The following LONP1 variants were observed in gnomAD, a reference collection of about 807,000 sequenced individuals.
LONP1 encodes the protein lon peptidase 1, mitochondrial.
A neutral mutation model predicts 98.5 loss-of-function variants in LONP1; 31 were observed. The ratio of observed to expected loss-of-function variants is 0.31; its 90% CI spans 0.24 to 0.42. LONP1 has a LOEUF of 0.42. LONP1 is among the 20% of genes least tolerant of loss of function. The pLI, the probability that LONP1 is intolerant of heterozygous loss-of-function variation, is 1.00. For missense variants in LONP1, 1,336 were observed against 1,350.6 expected, an observed-to-expected ratio of 0.99 and a Z score of 0.17; for synonymous variants, 781 against 594.7, an observed-to-expected ratio of 1.31 and a Z score of -4.56.
intron 3 of LONP1, 21 bp downstream of exon 3, chr19:5,713,113 T>C: frequency 6.5e-7 from 1 of 1,536,066 alleles, no homozygotes; most frequent in Non-Finnish European, 8.9e-7. Context: ...CACCTCCCAC[T>C]GTCCCCCGCC....
In LONP1 at chr19:5,700,884, C is replaced by T. The variant is rs755529175; in HGVS notation, c.1411G>A (p.Gly471Ser). The T allele has an allele frequency of 1.9e-6, 3 of 1,614,202 alleles. No homozygotes were observed. The South Asian group carries it at 3.3e-5, about 18-fold the overall frequency. Residue 471 changes from glycine to serine, a missense_variant, in exon 9 of 18, where the codon GGC (glycine) becomes AGC (serine). By Grantham distance (56) the Gly-to-Ser change is moderately conservative. Around this residue, in one of 5 missense-constraint regions of LONP1, gnomAD observed 219 missense variants for 241.0 expected, o/e 0.91. Coordinates refer to ENST00000360614, the MANE Select transcript of LONP1 (RefSeq NM_004793.4). ...YLDWLTSIPWGKYSNENLDLA... is the reference protein window; with the variant it reads ...YLDWLTSIPWSKYSNENLDLA... ...TCCAGGTTCTCGTTGCTGTACTTGC[C>T]CCAAGGGATGGACGTGAGCCAGTCT...
Position 5,719,792 on chromosome 19 carries a change from G to T in LONP1, c.341C>A (p.Pro114His), listed in dbSNP as rs2055399765. 30 of 1,612,942 alleles carry T rather than the reference G, an allele frequency of 1.9e-5. No homozygotes were observed. Among genetic ancestry groups the T allele is most frequent in the Non-Finnish European group, 2.5e-5 (30 of 1,179,958 alleles). Residue 114 changes from proline to histidine, a missense_variant, in exon 1 of 18, where the codon CCC becomes CAC. Transcript: ENST00000360614. ...CGGAAACACATCGGGGATCGTCATGGGCGTGAGCGCCGTTATGACCGGGCC... is the reference window on the plus strand; with the variant it reads ...CGGAAACACATCGGGGATCGTCATGTGCGTGAGCGCCGTTATGACCGGGCC... Reference protein sequence around the residue: ...GEGPVITALTPMTIPDVFPHL... With the variant: ...GEGPVITALTHMTIPDVFPHL...
In LONP1 at chr19:5,694,489, C is replaced by G. The variant is rs752318637; in HGVS notation, c.2218G>C (p.Glu740Gln). The G allele has an allele frequency of 6.2e-7, 1 of 1,613,344 alleles. No homozygotes were observed. Among genetic ancestry groups the G allele is most frequent in the Admixed American group, 1.7e-5 (1 of 60,018 alleles). The part of the protein sequence containing the change: ...GEAESVEVTP[E>Q]NLQDFVGKPV... Reference sequence around the variant, plus strand: ...TTCCCCACGAAGTCCTGCAGGTTCTCGGGCGTCACCTCCACGGACTCGGCC... The same window carrying G: ...TTCCCCACGAAGTCCTGCAGGTTCTGGGGCGTCACCTCCACGGACTCGGCC... Residue 740 changes from glutamate to glutamine, a missense_variant, in exon 15 of 18, where the codon GAG becomes CAG. Coordinates refer to ENST00000360614, the MANE Select transcript of LONP1 (RefSeq NM_004793.4).
chr19:5,710,251 A>G (rs1486308972), intron 4 of LONP1, among the ~76,000 whole-genome samples: 1 of 150,454 alleles, frequency 6.6e-6, no homozygotes, highest in South Asian at 2.1e-4. Context: ...CACCTGGCTA[A>G]TTTTTTTTTG....
chr19:5,716,859 T>A (rs942595933), intron 1 of LONP1, among the ~76,000 whole-genome samples: 4 of 152,292 alleles, frequency 2.6e-5, no homozygotes, highest in African/African-American at 9.6e-5. Context: ...AGTGGAGCGA[T>A]CTCAGCTCAC....
rs754321369 is a variant in LONP1, at chr19:5,692,009, C to CCAGACAGGGCCTGACATCCGCT, written c.*22_*23insAGCGGATGTCAGGCCCTGTCTG. The CCAGACAGGGCCTGACATCCGCT allele has an allele frequency of 6.1e-6, 6 of 988,586 alleles. No individual in the cohort carries two copies. The highest frequency in any genetic ancestry group is 3.1e-5 in the South Asian group (2 of 64,350). The allele number at this position is 988,586 out of a possible 1,614,324, so 61.2% of individuals were successfully genotyped here. On this transcript the variant is annotated 3_prime_UTR_variant, in exon 18 of 18. Transcript: ENST00000360614. The stretch of plus-strand genomic sequence containing the variant: ...GGCCCAGACAGGGCCTGACATCCGC[C>CCAGACAGGGCCTGACATCCGCT]GCCTGCAGTCCCGGGGTGGCCGTCA...
rs746147088 is a variant in LONP1 at position 5,691,980 on chromosome 19, T to G, written c.*52A>C. On this transcript the variant is annotated 3_prime_UTR_variant, in exon 18 of 18. Coordinates refer to ENST00000360614, the MANE Select transcript of LONP1 (RefSeq NM_004793.4). Reference sequence around the variant, plus strand: ...CGGGCGCGCTCCCCACAGCGCTCAGTTCTGGCCCAGACAGGGCCTGACATC... The same window carrying G: ...CGGGCGCGCTCCCCACAGCGCTCAGGTCTGGCCCAGACAGGGCCTGACATC... 2 of 1,581,782 alleles carry G rather than the reference T, an allele frequency of 1.3e-6. No individual in the cohort carries two copies.
In LONP1 at chr19:5,694,445, C is replaced by T. The variant is rs1294381991; in HGVS notation, c.2262G>A (p.Glu754=). 1.2e-6 allele frequency: 2 copies of T among 1,613,528 alleles called. No individual in the cohort carries two copies. Among genetic ancestry groups the T allele is most frequent in the Admixed American group, 1.7e-5 (1 of 60,020 alleles). ...DFVGKPVFTV[E]RMYDVTPPGV... ...CGGGCGGTGTCACGTCATACATGCG[C>T]TCCACGGTGAACACGGGCTTCCCCA... The change falls in exon 15 of 18, where the codon GAG becomes GAA. Residue 754 remains glutamate, a synonymous_variant. Coordinates refer to ENST00000360614, the MANE Select transcript of LONP1 (RefSeq NM_004793.4).
At chr19:5,693,520 C>CGGGAGCAGGT in intron 16 of LONP1, 32 bp downstream of exon 16, 2 of 1,612,986 alleles carry the variant, frequency 1.2e-6, no homozygotes, top group East Asian at 2.2e-5. Context: ...AGGGACTGGG[C>CGGGAGCAGGT]GGGAGCAGGT....
chr19:5,705,817 T>A lies in LONP1; in HGVS notation c.1322A>T (p.Glu441Val). 1 of 1,614,128 alleles carries A rather than the reference T, an allele frequency of 6.2e-7. No homozygotes were observed. The highest frequency in any genetic ancestry group is 8.5e-7 in the Non-Finnish European group (1 of 1,180,050). Residue 441 changes from glutamate (E) to valine (V), a missense_variant, in exon 8 of 18, where the codon GAG becomes GTG. Physicochemically the swap from Glu to Val is moderately radical, Grantham distance 121. Coordinates refer to ENST00000360614, the MANE Select transcript of LONP1 (RefSeq NM_004793.4). ...PKHVMDVVDE[E>V]LSKLGLLDNH... The stretch of plus-strand genomic sequence containing the variant: ...GTCCAGCAGGCCCAGCTTGCTCAGC[T>A]CCTCGTCCACAACATCCATGACGTG...
At chr19:5,702,106 C>A (rs1338628101) in intron 8 of LONP1, among the ~76,000 whole-genome samples, 1 of 150,862 alleles carries the variant, frequency 6.6e-6, no homozygotes, top group Non-Finnish European at 1.5e-5. Context: ...CGGCCAGCCG[C>A]CCCGTCCGGG....
chr19:5,693,600 G>C lies in LONP1; in HGVS notation c.2490C>G (p.Pro830=). 1 of 1,614,096 alleles carries C rather than the reference G, an allele frequency of 6.2e-7. No homozygotes were observed. Among genetic ancestry groups the C allele is most frequent in the Non-Finnish European group, 8.5e-7 (1 of 1,179,972 alleles). The change falls in exon 16 of 18, where the codon CCC becomes CCG. Residue 830 remains proline, a synonymous_variant. Coordinates refer to ENST00000360614, the MANE Select transcript of LONP1 (RefSeq NM_004793.4). ...GTGAGGTCACCAGGTAGTCATTGGC[G>C]GGGGCGTGCTGCATGAGGAAGGCTC... ...FARAFLMQHA[P]ANDYLVTSHI... is the part of the protein sequence containing the mutation.
intron 8 of LONP1, among the ~76,000 whole-genome samples, chr19:5,701,518 A>C (rs2055043311): frequency 6.6e-6 from 1 of 151,976 alleles, no homozygotes; most frequent in African/African-American, 2.4e-5. Flanking sequence ...TTTTTGGTGG[A>C]GACGGGGTTT....
Position 5,694,508 on chromosome 19 carries a change from C to T in LONP1, c.2199G>A (p.Glu733=), listed in dbSNP as rs1319217693. The T allele has an allele frequency of 3.1e-6, 5 of 1,613,278 alleles. No individual in the cohort carries two copies. The highest frequency in any genetic ancestry group is 1.7e-5 in the Admixed American group (1 of 60,018). Residue 733 remains glutamate, a synonymous_variant, in exon 15 of 18, where the codon GAG becomes GAA. Transcript: ENST00000360614. The stretch of plus-strand genomic sequence containing the variant: ...GGTTCTCGGGCGTCACCTCCACGGA[C>T]TCGGCCTCGCCGCTGACAATCTTGT... ...SAYKIVSGEA[E]SVEVTPENLQ...
At chr19:5,709,907 CAAAAAAAAAAAAA>C (rs755774542) in intron 4 of LONP1, among the ~76,000 whole-genome samples, 91 of 38,676 alleles carry the variant, frequency 2.4e-3, no homozygotes, top group Non-Finnish European at 3.3e-3. Context: ...GGCTCCATCT[CAAAAAAAAAAAAA>C]AAAAAAAAAA....
chr19:5,715,356 G>A (rs1166948981), intron 1 of LONP1, among the ~76,000 whole-genome samples: 9 of 140,108 alleles, frequency 6.4e-5, no homozygotes, highest in Non-Finnish European at 1.2e-4. Flanking sequence ...TTTTAATAAA[G>A]TTTCAGGCTG....
intron 9 of LONP1, 32 bp from the exon 10 acceptor site, chr19:5,699,237 G>C: frequency 6.8e-7 from 1 of 1,465,902 alleles, no homozygotes; most frequent in Non-Finnish European, 9.1e-7. Flanking sequence ...GTGGGCACGT[G>C]AGCTGGGGAA....
chr19:5,693,237 G>T, intron 17 of LONP1, 61 bp downstream of exon 17: 1 of 1,553,450 alleles, frequency 6.4e-7, no homozygotes, highest in Admixed American at 1.7e-5. Context: ...GCGGGGACTG[G>T]GCCTGTCCCG....
intron 9 of LONP1, 126 bp downstream of exon 9, chr19:5,700,663 C>A: frequency 1.5e-6 from 2 of 1,341,740 alleles, no homozygotes; most frequent in Non-Finnish European, 2.0e-6. Flanking sequence ...GGGATCCCCC[C>A]GACCAGCACC....
Sources: allele counts gnomAD v4.1 joint callset (sites outside exome capture counted in the v4.1 genomes callset), GRCh38; gene constraint gnomAD v4.1.1; regional missense constraint gnomAD v4.1.1; transcripts MANE v1.5; gene names NCBI Gene and HGNC (gene_info 2026-07-23, HGNC 2026-07-21).